AGBL4: variants seen among roughly 807,000 people sequenced by gnomAD.
The protein encoded by AGBL4 is cytosolic carboxypeptidase 6.
Under a neutral mutation model 66.4 loss-of-function variants are expected in AGBL4, and 58 were observed. The observed-to-expected ratio is 0.87, with a 90% CI of 0.71 to 1.09. The LOEUF is 1.09. Among genes scored for constraint, AGBL4 ranks in the 50% least tolerant of loss-of-function variants. The pLI is 0.00. For missense variants in AGBL4, 579 were observed against 631.0 expected (o/e 0.92, Z 0.88); for synonymous variants, 234 against 222.9 (o/e 1.05, Z -0.44).
At chr1:48,576,143 G>C (rs1482173371) in intron 11 of AGBL4, among the ~76,000 whole-genome samples, 1 of 152,202 alleles carries the variant, frequency 6.6e-6, no homozygotes, top group African/African-American at 2.4e-5. Flanking sequence ...CAGGAGGTGA[G>C]TGGCAGGTGA....
At chr1:49,272,369 C>G (rs1390881051) in intron 3 of AGBL4, among the ~76,000 whole-genome samples, 1 of 152,008 alleles carries the variant, frequency 6.6e-6, no homozygotes, top group Non-Finnish European at 1.5e-5. Flanking sequence ...TTAATGGGCT[C>G]CACCCTGAGC....
intron 9 of AGBL4, among the ~76,000 whole-genome samples, chr1:48,632,209 G>A (rs540851514): frequency 6.6e-6 from 1 of 152,204 alleles, no homozygotes; most frequent in African/African-American, 2.4e-5. Flanking sequence ...CTTGCTTGAG[G>A]CATAAATGAG....
At chr1:48,525,274 T>C in the AGBL4 span, among the ~76,000 whole-genome samples, 1 of 152,152 alleles carries the variant, frequency 6.6e-6, no homozygotes, top group African/African-American at 2.4e-5. Flanking sequence ...TCAAATGAAA[T>C]GTGTTTAGAC....
chr1:49,263,556 T>G (rs1338565847), intron 3 of AGBL4, among the ~76,000 whole-genome samples: 1 of 152,112 alleles, frequency 6.6e-6, no homozygotes, highest in East Asian at 1.9e-4. Flanking sequence ...CCACTAGCAG[T>G]TGAGGAAATA....
chr1:48,561,484 C>A (rs534074545), intron 11 of AGBL4, among the ~76,000 whole-genome samples: 1 of 152,252 alleles, frequency 6.6e-6, no homozygotes, highest in Non-Finnish European at 1.5e-5. Flanking sequence ...GCCAATTAAC[C>A]CATGTGATGG....
chr1:48,834,130 C>T (rs1158129930), intron 6 of AGBL4, among the ~76,000 whole-genome samples: 1 of 152,160 alleles, frequency 6.6e-6, no homozygotes, highest in Non-Finnish European at 1.5e-5. Flanking sequence ...ATAGGAATGT[C>T]AATTCTATGA....
chr1:48,975,812 G>C (rs1659289254), intron 5 of AGBL4, among the ~76,000 whole-genome samples: 1 of 152,086 alleles, frequency 6.6e-6, no homozygotes, highest in Non-Finnish European at 1.5e-5. Context: ...GACTTCAAAG[G>C]AAATTCTGTG....
Position 48,736,133 on chromosome 1 carries a change from C to T in AGBL4, c.635-72892G>A. ...TCCCCGGGCTCAGCCCAGGGTCTGG[C>T]ATGCAGAAGCTTCATAAGTAATCGT... is the stretch of plus-strand genomic sequence containing the variant. On this transcript the variant is annotated intron_variant, in intron 6 of 13. Transcript: ENST00000371839. The surrounding 1 kb of genome is among the most constrained non-coding windows in gnomAD (Gnocchi z 4.0). 1.5e-6 allele frequency: 2 copies of T among 1,306,472 alleles called. No homozygotes were observed. Among genetic ancestry groups the T allele is most frequent in the Non-Finnish European group, 1.1e-6 (1 of 917,286 alleles). The allele number at this position is 1,306,472 out of a possible 1,614,324, so 80.9% of individuals were successfully genotyped here.
At chr1:49,301,893 G>A (rs1644751372) in intron 3 of AGBL4, among the ~76,000 whole-genome samples, 1 of 151,892 alleles carries the variant, frequency 6.6e-6, no homozygotes, top group African/African-American at 2.4e-5. Flanking sequence ...CTATCCCCCT[G>A]CCCATGAAAC....
intron 3 of AGBL4, among the ~76,000 whole-genome samples, chr1:49,517,971 C>T (rs1309169903): frequency 1.3e-5 from 2 of 151,986 alleles, no homozygotes; most frequent in Non-Finnish European, 2.9e-5. Context: ...CTATTGTACC[C>T]TGAATCATAT....
At chr1:48,785,009 C>A (rs1166379017) in intron 6 of AGBL4, among the ~76,000 whole-genome samples, 1 of 152,178 alleles carries the variant, frequency 6.6e-6, no homozygotes, top group Non-Finnish European at 1.5e-5. Flanking sequence ...TAGGGGCCAA[C>A]TAGTTTGAGA....
In AGBL4 at chr1:49,494,319, C is replaced by A. The variant is rs140259280; in HGVS notation, c.282+202994G>T. 1.3e-4 allele frequency among the ~76,000 whole-genome samples: 20 copies of A among 151,818 alleles called. No homozygotes were observed. In the East Asian group the frequency reaches 3.9e-3, roughly 30 times the overall value. Reference sequence around the variant, plus strand: ...CTTTAAGTTTTAGGGTACATGTGCACAATGTGCAGGTTAGTTACATATGTA... The same window carrying A: ...CTTTAAGTTTTAGGGTACATGTGCAAAATGTGCAGGTTAGTTACATATGTA... On this transcript the variant is annotated intron_variant, in intron 3 of 13. Coordinates refer to ENST00000371839, the MANE Select transcript of AGBL4 (RefSeq NM_032785.4).
intron 5 of AGBL4, among the ~76,000 whole-genome samples, chr1:48,998,169 C>A (rs1421535081): frequency 1.3e-5 from 2 of 152,116 alleles, no homozygotes; most frequent in African/African-American, 2.4e-5. Context: ...ATGGGATGAA[C>A]ATTTTCCTCC....
At chr1:48,832,664 T>C (rs1037560750) in intron 6 of AGBL4, among the ~76,000 whole-genome samples, 42 of 152,166 alleles carry the variant, frequency 2.8e-4, no homozygotes, top group African/African-American at 1.0e-3. Flanking sequence ...ATGTTATTTC[T>C]GGGCATGCCT....
rs141572998 is a variant in AGBL4, at chr1:49,213,957, C to G, written c.377+31813G>C. 1.3e-4 allele frequency among the ~76,000 whole-genome samples: 20 copies of G among 152,226 alleles called. No individual in the cohort carries two copies. In the East Asian group the frequency reaches 3.9e-3, roughly 29 times the overall value. On this transcript the variant is annotated intron_variant, in intron 4 of 13. Transcript: ENST00000371839. ...CAACCTGGGTATAAGCCATTAAGAG[C>G]TTAAGTTTAATTTACTTTGTATGCC...
chr1:49,398,035 A>G (rs2148605421), intron 3 of AGBL4, among the ~76,000 whole-genome samples: 1 of 152,330 alleles, frequency 6.6e-6, no homozygotes, highest in South Asian at 2.1e-4. Flanking sequence ...GATACTTTTA[A>G]TACAATATGC....
intron 3 of AGBL4, among the ~76,000 whole-genome samples, chr1:49,692,881 T>G (rs574691887): frequency 1.7e-4 from 26 of 152,226 alleles, no homozygotes; most frequent in African/African-American, 5.1e-4. Flanking sequence ...TTTTAAAATC[T>G]CCTATTACAT....
chr1:48,779,429 G>A (rs1645234585), intron 6 of AGBL4, among the ~76,000 whole-genome samples: 1 of 152,164 alleles, frequency 6.6e-6, no homozygotes, highest in Admixed American at 6.5e-5. Context: ...CAGCTCAAAT[G>A]TCATTGCCTT....
intron 3 of AGBL4, among the ~76,000 whole-genome samples, chr1:49,396,946 A>G (rs1644986788): frequency 1.3e-5 from 2 of 152,184 alleles, no homozygotes; most frequent in African/African-American, 4.8e-5. Context: ...TTCCGCAGAC[A>G]GTGGGGTGGG....
Sources: gnomAD v4.1 joint callset for allele counts (sites outside exome capture counted in the v4.1 genomes callset) on GRCh38, gnomAD v4.1.1 for gene constraint, Gnocchi (gnomAD v3.1) non-coding constraint, MANE v1.5 for transcripts, NCBI Gene and HGNC (gene_info 2026-07-23, HGNC 2026-07-21) for gene names.